OR51B5: variants seen among roughly 807,000 people sequenced by gnomAD.
OR51B5 encodes olfactory receptor 51B5.
For missense variants in OR51B5, 456 were observed against 374.6 expected (o/e 1.22, Z -1.79); for synonymous variants, 186 against 144.8 (o/e 1.28, Z -2.04).
chr11:5,384,326 C>T (rs932935087), intron 1 of OR51B5, among the ~76,000 whole-genome samples: 1 of 152,164 alleles, frequency 6.6e-6, no homozygotes, highest in East Asian at 1.9e-4. Flanking sequence ...TGTGAACCAC[C>T]ATATACAGCA....
At chr11:5,394,704 A>G (rs1849841896) in intron 1 of OR51B5, among the ~76,000 whole-genome samples, 1 of 152,232 alleles carries the variant, frequency 6.6e-6, no homozygotes, top group Non-Finnish European at 1.5e-5. Flanking sequence ...TAGTGCAGAC[A>G]TTAGTAAGGA....
chr11:5,399,471 T>C (rs566188113), intron 1 of OR51B5, among the ~76,000 whole-genome samples: 4 of 152,170 alleles, frequency 2.6e-5, no homozygotes, highest in Non-Finnish European at 5.9e-5. Flanking sequence ...AAGATACTAA[T>C]GTGCACAAAG....
At chr11:5,490,907 A>C (rs145337334) in intron 1 of OR51B5, among the ~76,000 whole-genome samples, 120 of 152,332 alleles carry the variant, frequency 7.9e-4, no homozygotes, top group African/African-American at 2.8e-3. Flanking sequence ...TTCAGCTAAT[A>C]ATTTTTAAAT....
At chr11:5,369,414 A>G (rs1413710111) in intron 1 of OR51B5, among the ~76,000 whole-genome samples, 1 of 152,196 alleles carries the variant, frequency 6.6e-6, no homozygotes, top group African/African-American at 2.4e-5. Context: ...AATTACATCT[A>G]TTATACCTCA....
chr11:5,354,974 TG>T (rs931714098), intron 1 of OR51B5: 4 of 160,044 alleles, frequency 2.5e-5, no homozygotes, highest in African/African-American at 9.7e-5. Context: ...GGTGTGAAAA[TG>T]GTTGGTGAGA....
chr11:5,413,287 C>T (rs1044508267), intron 1 of OR51B5, among the ~76,000 whole-genome samples: 12 of 152,026 alleles, frequency 7.9e-5, no homozygotes, highest in African/African-American at 2.9e-4. Context: ...CCCATCTGTA[C>T]ATCACCATCA....
chr11:5,351,760 T>A (rs748057035), intron 1 of OR51B5: 1 of 1,614,000 alleles, frequency 6.2e-7, no homozygotes, highest in Non-Finnish European at 8.5e-7. Context: ...TGTTCTGTGG[T>A]TAGATCACAG....
At chr11:5,374,441 G>T (rs893003246) in intron 1 of OR51B5, among the ~76,000 whole-genome samples, 12 of 152,292 alleles carry the variant, frequency 7.9e-5, no homozygotes, top group Middle Eastern at 3.4e-3. Context: ...TCCTCCAAAG[G>T]AAAGCAGTTC....
intron 1 of OR51B5, among the ~76,000 whole-genome samples, chr11:5,440,137 A>G (rs1405459957): frequency 6.6e-6 from 1 of 152,218 alleles, no homozygotes; most frequent in Admixed American, 6.5e-5. Context: ...TCTCTCTTGC[A>G]TTAAATACAA....
At chr11:5,414,627 G>A (rs1447948841) in intron 1 of OR51B5, among the ~76,000 whole-genome samples, 2 of 151,880 alleles carry the variant, frequency 1.3e-5, no homozygotes, top group African/African-American at 4.8e-5. Flanking sequence ...GGCAGGGGTT[G>A]CAATCCTAGT....
intron 1 of OR51B5, among the ~76,000 whole-genome samples, chr11:5,367,466 C>G (rs11826587): frequency 6.6e-6 from 1 of 151,974 alleles, no homozygotes; most frequent in Non-Finnish European, 1.5e-5. Context: ...CTTTTCAGAC[C>G]GCTTAGCGTA....
At chr11:5,489,676 A>G in intron 1 of OR51B5, 1 of 1,573,614 alleles carries the variant, frequency 6.4e-7, no homozygotes, top group Non-Finnish European at 8.7e-7. Flanking sequence ...GCTGAGCAGA[A>G]GTTGGAGATT....
exon 1 of OR51B5, chr11:5,343,246 C>T (rs61738485): frequency 0.058 from 93,375 of 1,611,682 alleles, 5,117 homozygotes; most frequent in African/African-American, 0.29. Flanking sequence ...AAAAGCAGGC[C>T]GCACTTCCAA....
At chr11:5,366,155 T>C (rs769585089) in intron 1 of OR51B5, among the ~76,000 whole-genome samples, 1 of 151,850 alleles carries the variant, frequency 6.6e-6, no homozygotes, top group South Asian at 2.1e-4. Context: ...AGAAACAGTA[T>C]GTGAAGAGGA....
intron 1 of OR51B5, among the ~76,000 whole-genome samples, chr11:5,462,113 G>T (rs1851064915): frequency 6.6e-6 from 1 of 152,158 alleles, no homozygotes; most frequent in Non-Finnish European, 1.5e-5. Context: ...AAAAATATGT[G>T]AATAATAAAG....
At chr11:5,468,208 T>C (rs1249836117) in intron 1 of OR51B5, among the ~76,000 whole-genome samples, 1 of 152,230 alleles carries the variant, frequency 6.6e-6, no homozygotes, top group Non-Finnish European at 1.5e-5. Flanking sequence ...ATGTTATTAG[T>C]ACATTGGGAC....
At chr11:5,448,292 T>C (rs1477401369) in intron 1 of OR51B5, among the ~76,000 whole-genome samples, 2 of 152,094 alleles carry the variant, frequency 1.3e-5, no homozygotes, top group African/African-American at 2.4e-5. Flanking sequence ...GCCAACAGAG[T>C]CACTTAATAT....
chr11:5,424,356 A>AAAAC (rs575954424), intron 1 of OR51B5, among the ~76,000 whole-genome samples: 8 of 150,858 alleles, frequency 5.3e-5, no homozygotes, highest in Non-Finnish European at 8.8e-5. Context: ...AAACAAACAA[A>AAAAC]AAACAAACAA....
At chr11:5,474,783 G>C (rs568044825) in intron 1 of OR51B5, among the ~76,000 whole-genome samples, 1 of 152,284 alleles carries the variant, frequency 6.6e-6, no homozygotes, top group South Asian at 2.1e-4. Flanking sequence ...AGGTGCTCAG[G>C]TATGACAGTG....
Sources: gnomAD v4.1 joint callset for allele counts (sites outside exome capture counted in the v4.1 genomes callset) on GRCh38, gnomAD v4.1.1 for gene constraint, MANE v1.5 for transcripts, NCBI Gene and HGNC (gene_info 2026-07-23, HGNC 2026-07-21) for gene names.